ADARB2: variants seen among roughly 807,000 people sequenced by gnomAD.
The protein encoded by ADARB2 is adenosine deaminase RNA specific B2 (inactive).
Under a neutral mutation model 62.2 loss-of-function variants are expected in ADARB2, and 25 were observed. That is an observed-to-expected ratio of 0.40 (90% confidence interval 0.29 to 0.56). The LOEUF is 0.56. ADARB2 is among the 20% of genes least tolerant of loss of function. The probability of loss-of-function intolerance (pLI) is 0.43; values close to 1 mark genes in which losing one functional copy is unlikely to be tolerated. For missense variants in ADARB2, 1,071 were observed against 1,077.4 expected (o/e 0.99, Z 0.08); for synonymous variants, 572 against 500.8 (o/e 1.14, Z -1.90).
In ADARB2 at chr10:1,379,083, C is replaced by G; in HGVS notation, c.178G>C (p.Asp60His). The G allele has an allele frequency of 1.2e-6, 2 of 1,613,132 alleles. No individual in the cohort carries two copies. The highest frequency in any genetic ancestry group is 1.7e-6 in the Non-Finnish European group (2 of 1,179,290). The change falls in exon 2 of 10, where the codon GAC becomes CAC. Residue 60 changes from aspartate to histidine, a missense_variant. Asp to His is a moderately conservative substitution (Grantham distance 81). Transcript: ENST00000381312. Reference sequence around the variant, plus strand: ...AAGGGAAGTTGCTTACTGAGGGTGTCGTCATCCTCCGTGTTTGTGATGCCA... The same window carrying G: ...AAGGGAAGTTGCTTACTGAGGGTGTGGTCATCCTCCGTGTTTGTGATGCCA... ...SPGITNTEDD[D>H]TLSTSSAEVK...
At chr10:1,422,750 A>G (rs1409173929) in intron 1 of ADARB2, among the ~76,000 whole-genome samples, 1 of 152,332 alleles carries the variant, frequency 6.6e-6, no homozygotes, top group South Asian at 2.1e-4. Context: ...GTCACCAAGC[A>G]TAGGCTGTAT....
chr10:1,410,735 G>A (rs1311366703), intron 1 of ADARB2, among the ~76,000 whole-genome samples: 1 of 152,170 alleles, frequency 6.6e-6, no homozygotes, highest in African/African-American at 2.4e-5. Context: ...GGGTCAGCCA[G>A]TCTGTGCTTT....
Position 1,587,218 on chromosome 10 carries a change from C to A in ADARB2, c.100+149833G>T, listed in dbSNP as rs149205440. On this transcript the variant is annotated intron_variant, in intron 1 of 9. Coordinates refer to ENST00000381312, the MANE Select transcript of ADARB2 (RefSeq NM_018702.4). ...AATTATTTTGACCTCAAAAACAAAACAACAAAACAAAACAAAAAGAACAAT... is the reference window on the plus strand; with the variant it reads ...AATTATTTTGACCTCAAAAACAAAAAAACAAAACAAAACAAAAAGAACAAT... 2.5e-3 allele frequency among the ~76,000 whole-genome samples: 385 copies of A among 152,148 alleles called. 5 individuals carry two copies. Among genetic ancestry groups the A allele is most frequent in the African/African-American group, 9.0e-3 (374 of 41,496 alleles).
At chr10:1,633,572 C>CTATCTATCTATCTATCTATCTATCTA (rs1554776959) in intron 1 of ADARB2, among the ~76,000 whole-genome samples, 112 of 146,898 alleles carry the variant, frequency 7.6e-4, no homozygotes, top group African/African-American at 2.5e-3. Flanking sequence ...ATCTATCTAT[C>CTATCTATCTATCTATCTATCTATCTA]TATCTATCTA....
intron 4 of ADARB2, among the ~76,000 whole-genome samples, chr10:1,243,281 G>A (rs918705574): frequency 4.6e-5 from 7 of 152,280 alleles, no homozygotes; most frequent in Non-Finnish European, 7.3e-5. Flanking sequence ...ACGGAGACGC[G>A]TTAGCCGCTG....
intron 1 of ADARB2, among the ~76,000 whole-genome samples, chr10:1,563,406 ACCT>A: frequency 6.6e-6 from 1 of 151,682 alleles, no homozygotes; most frequent in South Asian, 2.1e-4. Context: ...CCCTCATATG[ACCT>A]CCTGCATCCA....
chr10:1,462,687 ATG>A (rs1318924398), intron 1 of ADARB2, among the ~76,000 whole-genome samples: 3 of 127,250 alleles, frequency 2.4e-5, no homozygotes, highest in African/African-American at 3.1e-5. Context: ...GTATGTGTGC[ATG>A]TGTGTGTGCC....
At chr10:1,252,723 C>T (rs974525169) in intron 4 of ADARB2, among the ~76,000 whole-genome samples, 5 of 151,488 alleles carry the variant, frequency 3.3e-5, no homozygotes, top group Admixed American at 6.6e-5. Context: ...CTAATTAGTT[C>T]GAAATCAGGT....
intron 1 of ADARB2, among the ~76,000 whole-genome samples, chr10:1,383,282 T>C (rs1009950965): frequency 1.3e-5 from 2 of 152,164 alleles, no homozygotes; most frequent in African/African-American, 4.8e-5. Flanking sequence ...TACTACACTG[T>C]CAGGGCTGAG....
chr10:1,476,428 G>A (rs1226057438), intron 1 of ADARB2, among the ~76,000 whole-genome samples: 5 of 152,328 alleles, frequency 3.3e-5, no homozygotes, highest in East Asian at 1.9e-4. Context: ...AGTGTCCTGC[G>A]TGGTGACTGT....
intron 1 of ADARB2, among the ~76,000 whole-genome samples, chr10:1,432,196 C>CTGAA (rs139036634): frequency 0.063 from 9,566 of 151,926 alleles, 657 homozygotes; most frequent in African/African-American, 0.17. Context: ...GAGATAGTAA[C>CTGAA]TGAATGAATG....
intron 1 of ADARB2, among the ~76,000 whole-genome samples, chr10:1,659,449 C>T (rs759641327): frequency 1.4e-4 from 21 of 152,242 alleles, no homozygotes; most frequent in African/African-American, 4.1e-4. Flanking sequence ...CTGACTAAAA[C>T]GTGCACAGAA....
rs181674188 is a variant in ADARB2 at position 1,177,365 on chromosome 10, A to T, written c.*5828T>A. 1 of 152,172 alleles carries T rather than the reference A, an allele frequency of 6.6e-6. No homozygotes were observed. Among genetic ancestry groups the T allele is most frequent in the Non-Finnish European group, 1.5e-5 (1 of 68,042 alleles). 9.4% of individuals were successfully genotyped at this position (152,172 alleles called of 1,614,324 possible). A position where few individuals can be genotyped will look rare whatever the true frequency, so the allele number is the denominator to read the frequency against. On this transcript the variant is annotated 3_prime_UTR_variant, in exon 10 of 10. Transcript: ENST00000381312. ...CTTAACAGAAACATTCACTTATTAG[A>T]TATCACTGAAGTGCAATTTATAGAA...
At chr10:1,515,322 C>G (rs1831994832) in intron 1 of ADARB2, among the ~76,000 whole-genome samples, 1 of 152,238 alleles carries the variant, frequency 6.6e-6, no homozygotes, top group African/African-American at 2.4e-5. Context: ...GGCTGGTGCA[C>G]TGGGCCCTGA....
At chr10:1,311,475 GA>G (rs967646355) in intron 3 of ADARB2, among the ~76,000 whole-genome samples, 2 of 150,386 alleles carry the variant, frequency 1.3e-5, no homozygotes, top group Admixed American at 1.3e-4. Flanking sequence ...TCCGGGAAAT[GA>G]AAAAAAAAGA....
intron 1 of ADARB2, among the ~76,000 whole-genome samples, chr10:1,453,005 T>C (rs780838587): frequency 1.3e-5 from 2 of 152,182 alleles, no homozygotes; most frequent in African/African-American, 2.4e-5. Flanking sequence ...AATCTGCATT[T>C]CCAGCACGTC....
intron 2 of ADARB2, among the ~76,000 whole-genome samples, chr10:1,376,059 A>G (rs1832426901): frequency 6.6e-6 from 1 of 151,404 alleles, no homozygotes; most frequent in Admixed American, 6.6e-5. Context: ...CACCACACAT[A>G]CCACATGCAT....
At chr10:1,718,712 T>C (rs1835053010) in intron 1 of ADARB2, among the ~76,000 whole-genome samples, 2 of 152,114 alleles carry the variant, frequency 1.3e-5, no homozygotes, top group South Asian at 4.1e-4. Flanking sequence ...ACGACCCAGT[T>C]GACAGGCAGA....
chr10:1,231,682 T>G (rs1208093824), intron 6 of ADARB2, among the ~76,000 whole-genome samples: 1 of 152,208 alleles, frequency 6.6e-6, no homozygotes, highest in East Asian at 1.9e-4. Flanking sequence ...TTCTCTCATT[T>G]AATTTCCAAA....
Sources: gnomAD v4.1 joint callset for allele counts (sites outside exome capture counted in the v4.1 genomes callset) on GRCh38, gnomAD v4.1.1 for gene constraint, MANE v1.5 for transcripts, NCBI Gene and HGNC (gene_info 2026-07-23, HGNC 2026-07-21) for gene names.